The following MVB12B variants were observed in gnomAD, a reference collection of about 807,000 sequenced individuals.
MVB12B encodes ESCRT-I complex subunit MVB12B.
MVB12B carries 16 observed loss-of-function variants against 41.6 expected under a neutral mutation model. That is an observed-to-expected ratio of 0.38 (90% CI 0.26 to 0.58). The LOEUF (loss-of-function observed/expected upper bound fraction) is 0.58, where lower values mean the gene tolerates loss of function less well. Ranked by LOEUF, MVB12B falls within the 20% of genes least tolerant of loss-of-function variation. MVB12B has a pLI of 0.62. For missense variants in MVB12B, 274 were observed against 380.2 expected (o/e 0.72, Z 2.32); for synonymous variants, 133 against 139.7 (o/e 0.95, Z 0.34).
At chr9:126,470,664 GTGTGTGTGTGTGTA>G (rs1200972092) in intron 7 of MVB12B, among the ~76,000 whole-genome samples, 1 of 143,134 alleles carries the variant, frequency 7.0e-6, no homozygotes, top group South Asian at 2.4e-4. Context: ...GTGTGTGTGT[GTGTGTGTGTGTGTA>G]ATCCAGATTG....
chr9:126,481,188 G>C (rs1833516393), intron 7 of MVB12B, 181 bp from the exon 8 acceptor site: 1 of 636,416 alleles, frequency 1.6e-6, no homozygotes, highest in South Asian at 1.9e-5. Flanking sequence ...AGTAGGTTGT[G>C]TGTCCTGGCA....
At chr9:126,491,539 G>A (rs140416083) in intron 9 of MVB12B, among the ~76,000 whole-genome samples, 1 of 152,262 alleles carries the variant, frequency 6.6e-6, no homozygotes, top group African/African-American at 2.4e-5. Flanking sequence ...CTCTGCCTAT[G>A]AGATTCAATA....
chr9:126,391,431 G>A lies in MVB12B; in HGVS notation c.410-635G>A, dbSNP rs1306575653. On this transcript the variant is annotated intron_variant, in intron 4 of 9. Transcript: ENST00000361171. The surrounding 1 kb of genome is among the most constrained non-coding windows in gnomAD (Gnocchi z 4.4). ...GAGAAAACGTGGATGTAGACTCTCT[G>A]TTGGATGATACTCAGGAATTCTGTT... Among the ~76,000 whole-genome samples, 1 of 152,240 alleles carries A rather than the reference G, an allele frequency of 6.6e-6. No individual in the cohort carries two copies. Among genetic ancestry groups the A allele is most frequent in the Admixed American group, 6.5e-5 (1 of 15,286 alleles).
intron 9 of MVB12B, among the ~76,000 whole-genome samples, chr9:126,490,548 C>T (rs1323210957): frequency 6.6e-6 from 1 of 152,194 alleles, no homozygotes; most frequent in East Asian, 1.9e-4. Flanking sequence ...ACCATCAAAA[C>T]CGCGGCGGAG....
chr9:126,351,839 C>T (rs1829757540), intron 2 of MVB12B, among the ~76,000 whole-genome samples: 1 of 152,160 alleles, frequency 6.6e-6, no homozygotes, highest in African/African-American at 2.4e-5. Flanking sequence ...TTGGTAGGTA[C>T]TGTTTATCAA....
intron 2 of MVB12B, among the ~76,000 whole-genome samples, chr9:126,355,504 AT>A (rs1588100017): frequency 6.6e-6 from 1 of 152,260 alleles, no homozygotes; most frequent in East Asian, 1.9e-4. Flanking sequence ...TTCTGCTTAA[AT>A]TTAAAGTACT....
intron 7 of MVB12B, among the ~76,000 whole-genome samples, chr9:126,474,040 T>G (rs1331841042): frequency 6.6e-6 from 1 of 152,142 alleles, no homozygotes; most frequent in Non-Finnish European, 1.5e-5. Flanking sequence ...TGTACCTGGG[T>G]GCCGTCTTTG....
chr9:126,403,204 C>T (rs1831317269), intron 6 of MVB12B, among the ~76,000 whole-genome samples: 1 of 152,196 alleles, frequency 6.6e-6, no homozygotes, highest in African/African-American at 2.4e-5. Context: ...GTTATCCGAC[C>T]GCCCCCCACA....
chr9:126,474,631 A>G (rs776299261), intron 7 of MVB12B, among the ~76,000 whole-genome samples: 4 of 152,202 alleles, frequency 2.6e-5, no homozygotes, highest in Admixed American at 6.5e-5. Context: ...TGTGACCACC[A>G]TGAAAACATG....
intron 7 of MVB12B, among the ~76,000 whole-genome samples, chr9:126,452,474 G>A (rs1192919671): frequency 3.9e-5 from 6 of 152,334 alleles, no homozygotes; most frequent in Non-Finnish European, 2.9e-5. Flanking sequence ...CTGTTAGAGC[G>A]CTGTCCATTT....
intron 6 of MVB12B, 115 bp from the exon 7 acceptor site, chr9:126,421,739 C>A: frequency 1.3e-6 from 1 of 772,336 alleles, no homozygotes; most frequent in Non-Finnish European, 2.3e-6. Context: ...TGGCCAGAAG[C>A]ACCTGCTCTG....
intron 6 of MVB12B, among the ~76,000 whole-genome samples, chr9:126,398,931 A>C (rs1199564012): frequency 1.3e-5 from 2 of 152,308 alleles, no homozygotes; most frequent in East Asian, 3.9e-4. Flanking sequence ...ACTTCAGACA[A>C]AGGTGGATCT....
At chr9:126,423,884 T>G (rs922051869) in intron 7 of MVB12B, among the ~76,000 whole-genome samples, 6 of 152,226 alleles carry the variant, frequency 3.9e-5, no homozygotes, top group Non-Finnish European at 8.8e-5. Context: ...AAGTTAGGGT[T>G]TCCAATGGTT....
chr9:126,447,186 C>A (rs1832794184), intron 7 of MVB12B, among the ~76,000 whole-genome samples: 1 of 150,444 alleles, frequency 6.6e-6, no homozygotes, highest in African/African-American at 2.4e-5. Flanking sequence ...CTCAGGTGAC[C>A]CACCTGCCTC....
At position 126,395,900 on chromosome 9, in the gene MVB12B, T is replaced by C. The variant is rs1831099354; in HGVS notation, c.662+203T>C. On this transcript the variant is annotated intron_variant, in intron 6 of 9. Coordinates refer to ENST00000361171, the MANE Select transcript of MVB12B (RefSeq NM_033446.3). This position sits in a 1 kb window ranked among gnomAD's most constrained non-coding sequence, Gnocchi z 4.9. ...TGAATGCAAAGGCCATTCTATAGTC[T>C]ATTTTGTGCGTGTTCTGCAGGCTTC... is the stretch of plus-strand genomic sequence containing the variant. 3.6e-6 allele frequency: 5 copies of C among 1,391,218 alleles called. No individual in the cohort carries two copies. In the South Asian group the frequency reaches 5.0e-5, roughly 14 times the overall value. 86.2% of individuals were successfully genotyped at this position (1,391,218 alleles called of 1,614,324 possible).
At chr9:126,457,968 G>A (rs1232134129) in intron 7 of MVB12B, among the ~76,000 whole-genome samples, 1 of 152,170 alleles carries the variant, frequency 6.6e-6, no homozygotes, top group Non-Finnish European at 1.5e-5. Flanking sequence ...ACGATTTGGG[G>A]ACTTTTTCAC....
At position 126,478,714 on chromosome 9, in the gene MVB12B, C is replaced by G. The variant is rs1215831298; in HGVS notation, c.758-2655C>G. ...CACAGGCAGTACTGACAGCCTCTGA[C>G]TAGGGAGGCCTCCCATGGGAGGAGC... On this transcript the variant is annotated intron_variant, in intron 7 of 9. Transcript: ENST00000361171. This position sits in a 1 kb window ranked among gnomAD's most constrained non-coding sequence, Gnocchi z 4.2. 6.6e-6 allele frequency among the ~76,000 whole-genome samples: 1 copy of G among 152,124 alleles called. No homozygotes were observed. Among genetic ancestry groups the G allele is most frequent in the African/African-American group, 2.4e-5 (1 of 41,430 alleles).
intron 2 of MVB12B, among the ~76,000 whole-genome samples, chr9:126,379,823 G>A (rs1830585958): frequency 6.6e-6 from 1 of 152,186 alleles, no homozygotes; most frequent in South Asian, 2.1e-4. Context: ...CTGAGCCTGT[G>A]ACAGGCAGAG....
At chr9:126,412,823 T>G (rs765456519) in intron 6 of MVB12B, among the ~76,000 whole-genome samples, 15 of 152,244 alleles carry the variant, frequency 9.9e-5, no homozygotes, top group Non-Finnish European at 1.9e-4. Context: ...TTATAATACA[T>G]CATTCTGCAA....
Sources: gnomAD v4.1 joint callset for allele counts (sites outside exome capture counted in the v4.1 genomes callset) on GRCh38, gnomAD v4.1.1 for gene constraint, Gnocchi (gnomAD v3.1) non-coding constraint, MANE v1.5 for transcripts, NCBI Gene and HGNC (gene_info 2026-07-23, HGNC 2026-07-21) for gene names.